The following PRPSAP1 variants were observed in gnomAD, a reference collection of about 807,000 sequenced individuals.
PRPSAP1 encodes phosphoribosyl pyrophosphate synthetase associated protein 1.
PRPSAP1 carries 31 observed loss-of-function variants against 39.4 expected under a neutral mutation model. The ratio of observed to expected loss-of-function variants is 0.79; its 90% CI spans 0.59 to 1.06. The LOEUF (loss-of-function observed/expected upper bound fraction) is 1.06, where lower values mean the gene tolerates loss of function less well. PRPSAP1 is among the 50% of genes least tolerant of loss of function. PRPSAP1 has a pLI of 0.00. For synonymous variants in PRPSAP1, 212 were observed against 192.6 expected (o/e 1.10, Z -0.83); for missense variants, 430 against 511.6 (o/e 0.84, Z 1.54).
At chr17:76,330,266 G>T in intron 5 of PRPSAP1, 168 bp from the exon 6 acceptor site, 1 of 612,836 alleles carries the variant, frequency 1.6e-6, no homozygotes, top group Non-Finnish European at 2.8e-6. Context: ...AACATCACTG[G>T]AAAAAGCACT....
chr17:76,314,867 A>T (rs1422752005), intron 7 of PRPSAP1, among the ~76,000 whole-genome samples: 1 of 152,208 alleles, frequency 6.6e-6, no homozygotes, highest in Non-Finnish European at 1.5e-5. Context: ...TGCTGTGTGG[A>T]TAGAAACCCC....
At position 76,338,758 on chromosome 17, in the gene PRPSAP1, G is replaced by A. The variant is rs187184553; in HGVS notation, c.290+5913C>T. 1.4e-4 allele frequency among the ~76,000 whole-genome samples: 22 copies of A among 151,818 alleles called. No individual in the cohort carries two copies. In the East Asian group the frequency reaches 3.1e-3, roughly 21 times the overall value. ...AAAATAAAATAAAAAATTAGGCCAG[G>A]CATGGTGGCTCATGCCTGTAATCCC... On this transcript the variant is annotated intron_variant, in intron 3 of 9. Coordinates refer to ENST00000446526, the MANE Select transcript of PRPSAP1 (RefSeq NM_002766.3).
chr17:76,351,865 C>A (rs1280092905), intron 1 of PRPSAP1, among the ~76,000 whole-genome samples: 1 of 152,096 alleles, frequency 6.6e-6, no homozygotes, highest in Admixed American at 6.6e-5. Context: ...GTGCCCTGCT[C>A]CCCTCTGCTC....
At chr17:76,340,327 C>T (rs1256526951) in intron 3 of PRPSAP1, among the ~76,000 whole-genome samples, 3 of 151,734 alleles carry the variant, frequency 2.0e-5, no homozygotes, top group African/African-American at 4.9e-5. Flanking sequence ...GTGAGAAAAA[C>T]GGTAAGTGTT....
chr17:76,351,499 C>A (rs893906047), intron 1 of PRPSAP1, among the ~76,000 whole-genome samples: 1 of 151,250 alleles, frequency 6.6e-6, no homozygotes, highest in East Asian at 1.9e-4. Flanking sequence ...TGGGCGACAG[C>A]GAGACTCCGT....
At chr17:76,317,396 T>C (rs926450747) in intron 7 of PRPSAP1, among the ~76,000 whole-genome samples, 1 of 151,848 alleles carries the variant, frequency 6.6e-6, no homozygotes, top group Non-Finnish European at 1.5e-5. Context: ...TGGTGGCTCA[T>C]GCCCATAATC....
Position 76,311,347 on chromosome 17 carries a change from T to C in PRPSAP1, c.*195A>G. ...TGATGACAGCAGACATGTAAGGCCA[T>C]GTTATGATATTTATCCATTAGCTCT... On this transcript the variant is annotated 3_prime_UTR_variant, in exon 10 of 10. Coordinates refer to ENST00000446526, the MANE Select transcript of PRPSAP1 (RefSeq NM_002766.3). The C allele has an allele frequency of 5.5e-6, 3 of 543,400 alleles. No homozygotes were observed. Among genetic ancestry groups the C allele is most frequent in the Non-Finnish European group, 3.1e-6 (1 of 318,672 alleles). The allele number at this position is 543,400 out of a possible 1,614,324, so 33.7% of individuals were successfully genotyped here. A position where few individuals can be genotyped will look rare whatever the true frequency, so the allele number is the denominator to read the frequency against.
At position 76,332,124 on chromosome 17, in the gene PRPSAP1, A is replaced by C. The variant is rs561819211; in HGVS notation, c.463+139T>G. ...AAAAAAAGAATTTCTAACCGAGCTC[A>C]CATATCCTTAGCCAAAACTGTTCAA... On this transcript the variant is annotated intron_variant, in intron 4 of 9. Transcript: ENST00000446526. 6.3e-5 allele frequency: 64 copies of C among 1,016,274 alleles called. No individual in the cohort carries two copies. In the African/African-American group the frequency reaches 9.4e-4, roughly 15 times the overall value. 63.0% of individuals were successfully genotyped at this position (1,016,274 alleles called of 1,614,324 possible). A position where few individuals can be genotyped will look rare whatever the true frequency, so the allele number is the denominator to read the frequency against.
chr17:76,313,852 C>A lies in PRPSAP1; in HGVS notation c.821G>T (p.Gly274Val), dbSNP rs2071093749. ...AKEKPPITVVGDVGGRIAIIV... is the reference protein window; with the variant it reads ...AKEKPPITVVVDVGGRIAIIV... Reference sequence around the variant, plus strand: ...GATTGCGATGCGGCCTCCAACATCTCCAACTACAGTTATCGGTGGCTTCTC... The same window carrying A: ...GATTGCGATGCGGCCTCCAACATCTACAACTACAGTTATCGGTGGCTTCTC... Residue 274 changes from glycine (G) to valine (V), a missense_variant, in exon 8 of 10, where the codon GGA (glycine) becomes GTA (valine). This residue lies in a region of PRPSAP1 where 278 missense variants were observed against 376.3 expected (regional missense o/e 0.74). Coordinates refer to ENST00000446526, the MANE Select transcript of PRPSAP1 (RefSeq NM_002766.3). 3 of 1,614,182 alleles carry A rather than the reference C, an allele frequency of 1.9e-6. No individual in the cohort carries two copies. Among genetic ancestry groups the A allele is most frequent in the Non-Finnish European group, 2.5e-6 (3 of 1,180,030 alleles).
intron 3 of PRPSAP1, 23 bp downstream of exon 3, chr17:76,344,648 G>A (rs745547500): frequency 6.7e-7 from 1 of 1,484,196 alleles, no homozygotes; most frequent in Non-Finnish European, 9.2e-7. Flanking sequence ...ACAGAAAAGA[G>A]ATAAAGTAGT....
Position 76,353,695 on chromosome 17 carries a change from C to T in PRPSAP1, c.9G>A (p.Lys3=). ...AGGGCGGGGGCAACAGCAGCAGCTT[C>T]TTGGGCATCGTCCGGCCCGCGGCGC... The part of the protein sequence containing the change: MP[K]KLLLLPPPSA... Residue 3 remains lysine (K), a synonymous_variant, in exon 1 of 10, where the codon AAG becomes AAA. Transcript: ENST00000446526. The T allele has an allele frequency of 6.7e-7, 1 of 1,485,932 alleles. No individual in the cohort carries two copies. The highest frequency in any genetic ancestry group is 1.5e-5 in the African/African-American group (1 of 68,352). 92.0% of individuals were successfully genotyped at this position (1,485,932 alleles called of 1,614,324 possible). A position where few individuals can be genotyped will look rare whatever the true frequency, so the allele number is the denominator to read the frequency against.
intron 2 of PRPSAP1, among the ~76,000 whole-genome samples, chr17:76,347,745 G>A (rs1000727257): frequency 5.3e-5 from 8 of 151,978 alleles, no homozygotes; most frequent in East Asian, 1.9e-4. Context: ...GAGTGGCCAC[G>A]GGGAGGCCAT....
intron 3 of PRPSAP1, among the ~76,000 whole-genome samples, chr17:76,339,951 G>A (rs2143524829): frequency 6.6e-6 from 1 of 151,488 alleles, no homozygotes; most frequent in South Asian, 2.1e-4. Context: ...GGGCAACATG[G>A]CAAAACCCTG....
chr17:76,345,304 T>G (rs1397801319), intron 2 of PRPSAP1, among the ~76,000 whole-genome samples: 3 of 129,706 alleles, frequency 2.3e-5, no homozygotes, highest in Admixed American at 8.9e-5. Flanking sequence ...CTGTCTCTAC[T>G]AAAAATACAA....
intron 8 of PRPSAP1, 179 bp downstream of exon 8, chr17:76,313,642 C>G (rs771933805): frequency 1.6e-6 from 1 of 622,352 alleles, no homozygotes; most frequent in Admixed American, 2.8e-5. Flanking sequence ...GTAGGTTATA[C>G]TTTAATGTAT....
At chr17:76,328,969 T>C (rs1379104904) in intron 6 of PRPSAP1, 107 bp from the exon 7 acceptor site, 1 of 1,267,368 alleles carries the variant, frequency 7.9e-7, no homozygotes, top group Non-Finnish European at 1.1e-6. Context: ...TTCAGGGACA[T>C]ACAAAGGCAT....
intron 7 of PRPSAP1, among the ~76,000 whole-genome samples, chr17:76,316,640 C>T (rs1219719848): frequency 6.6e-6 from 1 of 152,174 alleles, no homozygotes; most frequent in African/African-American, 2.4e-5. Context: ...AGATTCTGCT[C>T]TCTCTTTCCA....
intron 3 of PRPSAP1, among the ~76,000 whole-genome samples, chr17:76,334,580 CT>C (rs879767009): frequency 6.6e-6 from 1 of 151,898 alleles, no homozygotes; most frequent in Admixed American, 6.6e-5. Flanking sequence ...CAATTTCACC[CT>C]TGTAATTTGG....
chr17:76,339,534 A>G (rs772612531), intron 3 of PRPSAP1, among the ~76,000 whole-genome samples: 16 of 151,738 alleles, frequency 1.1e-4, no homozygotes, highest in Non-Finnish European at 1.5e-5. Flanking sequence ...TTCCATCCCT[A>G]TCAGCTTAAG....
Sources: gnomAD v4.1 joint callset for allele counts (sites outside exome capture counted in the v4.1 genomes callset) on GRCh38, gnomAD v4.1.1 for gene constraint, gnomAD v4.1.1 regional missense constraint, MANE v1.5 for transcripts, NCBI Gene and HGNC (gene_info 2026-07-23, HGNC 2026-07-21) for gene names.